Variants in KLHL7 observed in about 807,000 individuals in gnomAD.
KLHL7 encodes kelch-like protein 7.
A neutral mutation model predicts 67.4 loss-of-function variants in KLHL7; 44 were observed. The ratio of observed to expected loss-of-function variants is 0.65; its 90% CI spans 0.51 to 0.84. The LOEUF is 0.84. Among genes scored for constraint, KLHL7 ranks in the 40% least tolerant of loss-of-function variants. KLHL7 has a pLI of 0.00. For synonymous variants in KLHL7, 252 were observed against 243.3 expected (o/e 1.04, Z -0.33); for missense variants, 362 against 718.1 (o/e 0.50, Z 5.67).
intron 1 of KLHL7, among the ~76,000 whole-genome samples, chr7:23,122,615 T>A (rs765966595): frequency 1.3e-5 from 2 of 152,244 alleles, no homozygotes; most frequent in Non-Finnish European, 2.9e-5. Flanking sequence ...TAGGCCTTAT[T>A]TGAAAATCTT....
chr7:23,138,484 A>AG (rs1491558799), intron 4 of KLHL7, among the ~76,000 whole-genome samples: 2 of 133,214 alleles, frequency 1.5e-5, no homozygotes, highest in East Asian at 5.4e-4. Context: ...AAAAAAAAAA[A>AG]GAAGGTATAA....
intron 4 of KLHL7, among the ~76,000 whole-genome samples, chr7:23,137,337 G>C (rs1049871327): frequency 7.2e-5 from 11 of 152,026 alleles, no homozygotes; most frequent in African/African-American, 1.2e-4. Context: ...ATAGACTATA[G>C]ACTTGGAAAA....
At chr7:23,128,161 A>T (rs1355040279) in intron 4 of KLHL7, among the ~76,000 whole-genome samples, 3 of 151,998 alleles carry the variant, frequency 2.0e-5, no homozygotes, top group Admixed American at 6.5e-5. Flanking sequence ...AAACTTAAAA[A>T]TACGATGTGT....
At chr7:23,139,679 A>T (rs1329413134) in intron 4 of KLHL7, among the ~76,000 whole-genome samples, 1 of 152,240 alleles carries the variant, frequency 6.6e-6, no homozygotes, top group East Asian at 1.9e-4. Context: ...ACAATGTGAA[A>T]TTGAAACATG....
At chr7:23,111,770 C>T (rs1283912665) in intron 1 of KLHL7, among the ~76,000 whole-genome samples, 2 of 123,420 alleles carry the variant, frequency 1.6e-5, no homozygotes, top group East Asian at 5.2e-4. Flanking sequence ...TGTGGTGAGC[C>T]AAGATTGCAC....
intron 6 of KLHL7, among the ~76,000 whole-genome samples, chr7:23,148,298 G>A (rs1784421539): frequency 6.6e-6 from 1 of 151,516 alleles, no homozygotes; most frequent in African/African-American, 2.4e-5. Context: ...GACTAAGTGT[G>A]TTTGAACCTA....
chr7:23,174,567 T>G lies in KLHL7; in HGVS notation c.*269T>G, dbSNP rs1370205725. On this transcript the variant is annotated 3_prime_UTR_variant, in exon 11 of 11. Transcript: ENST00000339077. ...TAAAAATGTGAATTTCTTGAATGAA[T>G]TTCACATTTGTAACTATGATTTTGG... 4 of 573,790 alleles carry G rather than the reference T, an allele frequency of 7.0e-6. No individual in the cohort carries two copies. Among genetic ancestry groups the G allele is most frequent in the Admixed American group, 6.5e-5 (3 of 46,316 alleles). The allele number at this position is 573,790 out of a possible 1,614,324, so 35.5% of individuals were successfully genotyped here.
At chr7:23,115,669 G>A (rs1263248174) in intron 1 of KLHL7, among the ~76,000 whole-genome samples, 8 of 151,648 alleles carry the variant, frequency 5.3e-5, no homozygotes, top group East Asian at 1.9e-4. Context: ...TCAGCCTCCC[G>A]AGCAGCTGGG....
chr7:23,128,688 G>A (rs2128461423), intron 4 of KLHL7, among the ~76,000 whole-genome samples: 1 of 151,646 alleles, frequency 6.6e-6, no homozygotes, highest in Non-Finnish European at 1.5e-5. Flanking sequence ...AAAAAAAAAA[G>A]TGACCCTACA....
chr7:23,109,113 G>C (rs755786157), intron 1 of KLHL7, among the ~76,000 whole-genome samples: 2 of 152,162 alleles, frequency 1.3e-5, no homozygotes, highest in Non-Finnish European at 2.9e-5. Flanking sequence ...AGATATCGTC[G>C]TGTAGTTTTC....
At chr7:23,147,977 C>T (rs1356246311) in intron 6 of KLHL7, among the ~76,000 whole-genome samples, 1 of 152,200 alleles carries the variant, frequency 6.6e-6, no homozygotes, top group African/African-American at 2.4e-5. Flanking sequence ...AGTGATCCAG[C>T]TTCATCTCAG....
chr7:23,127,757 C>T (rs1032084603), intron 4 of KLHL7, among the ~76,000 whole-genome samples: 7 of 152,094 alleles, frequency 4.6e-5, no homozygotes, highest in Non-Finnish European at 1.0e-4. Context: ...ACCTGTAGTC[C>T]CAGCTACTCC....
intron 8 of KLHL7, among the ~76,000 whole-genome samples, chr7:23,167,526 G>A (rs1785034164): frequency 6.6e-6 from 1 of 151,802 alleles, no homozygotes; most frequent in Non-Finnish European, 1.5e-5. Context: ...TGCATAATGG[G>A]GCTTGAAGAC....
At chr7:23,155,216 C>T (rs1473756235) in intron 7 of KLHL7, among the ~76,000 whole-genome samples, 1 of 152,036 alleles carries the variant, frequency 6.6e-6, no homozygotes, top group African/African-American at 2.4e-5. Flanking sequence ...GAATTCATGG[C>T]CTGTGTGCTA....
chr7:23,161,925 C>A (rs1248387118), intron 7 of KLHL7, among the ~76,000 whole-genome samples: 2 of 152,228 alleles, frequency 1.3e-5, no homozygotes, highest in Non-Finnish European at 2.9e-5. Flanking sequence ...ATTTTCACAA[C>A]AGCTGTGCTT....
chr7:23,135,435 T>C (rs545037117), intron 4 of KLHL7, among the ~76,000 whole-genome samples: 6 of 152,302 alleles, frequency 3.9e-5, no homozygotes, highest in South Asian at 2.1e-4. Flanking sequence ...TCTATAAATA[T>C]CTGTTAGATC....
intron 1 of KLHL7, among the ~76,000 whole-genome samples, chr7:23,116,987 A>G (rs747727384): frequency 6.8e-6 from 1 of 147,988 alleles, no homozygotes; most frequent in South Asian, 2.1e-4. Flanking sequence ...GTAATGGCCT[A>G]TTATAGTTGT....
intron 10 of KLHL7, 23 bp from the exon 11 acceptor site, chr7:23,173,983 TTTCATGTTG>T: frequency 6.2e-7 from 1 of 1,605,486 alleles, no homozygotes; most frequent in Non-Finnish European, 8.5e-7. Context: ...TGATATAGTT[TTTCATGTTG>T]TTCATGTTTT....
chr7:23,116,736 G>A (rs1352892653), intron 1 of KLHL7, among the ~76,000 whole-genome samples: 1 of 152,052 alleles, frequency 6.6e-6, no homozygotes, highest in Non-Finnish European at 1.5e-5. Context: ...TCTAATTGTG[G>A]GGATGTCCAG....
Sources: allele counts gnomAD v4.1 joint callset (sites outside exome capture counted in the v4.1 genomes callset), GRCh38; gene constraint gnomAD v4.1.1; transcripts MANE v1.5; gene names NCBI Gene and HGNC (gene_info 2026-07-23, HGNC 2026-07-21).